SNCAIP: variants seen among roughly 807,000 people sequenced by gnomAD.
The protein encoded by SNCAIP is synuclein alpha interacting protein.
Under a neutral mutation model 86.7 loss-of-function variants are expected in SNCAIP, and 43 were observed. That is an observed-to-expected ratio of 0.50 (90% CI 0.39 to 0.64). SNCAIP has a LOEUF of 0.64. Among genes scored for constraint, SNCAIP ranks in the 30% least tolerant of loss-of-function variants. SNCAIP has a pLI of 0.00. For synonymous variants in SNCAIP, 417 were observed against 427.2 expected (o/e 0.98, Z 0.29); for missense variants, 981 against 1,103.1 (o/e 0.89, Z 1.57).
intron 3 of SNCAIP, among the ~76,000 whole-genome samples, chr5:122,419,251 G>A (rs922156279): frequency 6.6e-6 from 1 of 152,124 alleles, no homozygotes; most frequent in Non-Finnish European, 1.5e-5. Context: ...TGAGGCATTT[G>A]GATCAGACCA....
At chr5:122,379,380 C>T (rs1210232272) in intron 1 of SNCAIP, among the ~76,000 whole-genome samples, 1 of 70,918 alleles carries the variant, frequency 1.4e-5, no homozygotes, top group African/African-American at 5.9e-5. Context: ...GATTTTTGTA[C>T]ATTGATTTTG....
chr5:122,420,226 G>A (rs948641613), intron 3 of SNCAIP, among the ~76,000 whole-genome samples: 7 of 152,254 alleles, frequency 4.6e-5, no homozygotes, highest in East Asian at 1.9e-4. Context: ...ACGTGTTTTC[G>A]TAAGACCCAG....
chr5:122,453,725 T>G lies in SNCAIP; in HGVS notation c.2754+2124T>G, dbSNP rs117224940. Among the ~76,000 whole-genome samples the G allele has an allele frequency of 1.8e-3, 275 of 151,990 alleles. 5 individuals carry two copies. In the East Asian group the frequency reaches 0.037, roughly 20 times the overall value. On this transcript the variant is annotated intron_variant, in intron 10 of 10. Transcript: ENST00000261368. ...CCTTAATTGGTTTACTTCAGAAGAGTTACATCCCTAAACCCATTTTAAAAG... is the reference window on the plus strand; with the variant it reads ...CCTTAATTGGTTTACTTCAGAAGAGGTACATCCCTAAACCCATTTTAAAAG...
chr5:122,378,690 T>G (rs927845065), intron 1 of SNCAIP, among the ~76,000 whole-genome samples: 8 of 128,338 alleles, frequency 6.2e-5, no homozygotes, highest in African/African-American at 2.4e-4. Context: ...CGTTTAAGTC[T>G]TTAATCCATC....
intron 1 of SNCAIP, among the ~76,000 whole-genome samples, chr5:122,330,472 A>G (rs891791911): frequency 2.6e-5 from 4 of 152,068 alleles, no homozygotes; most frequent in African/African-American, 9.7e-5. Context: ...TTGTATTTCA[A>G]CTTATATTTT....
chr5:122,391,064 TC>T, intron 1 of SNCAIP, 24 bp from the exon 2 acceptor site: 3 of 1,360,998 alleles, frequency 2.2e-6, no homozygotes, highest in Non-Finnish European at 3.2e-6. Flanking sequence ...TTTTTGCCTT[TC>T]TTTTCTGCTT....
intron 2 of SNCAIP, among the ~76,000 whole-genome samples, chr5:122,400,559 A>G (rs1440937613): frequency 6.6e-6 from 1 of 152,262 alleles, no homozygotes; most frequent in Non-Finnish European, 1.5e-5. Flanking sequence ...ACCACAGCAC[A>G]TGACAATGCA....
chr5:122,396,207 T>G (rs1411120730), intron 2 of SNCAIP, among the ~76,000 whole-genome samples: 1 of 152,184 alleles, frequency 6.6e-6, no homozygotes, highest in Admixed American at 6.5e-5. Context: ...TCATATGCCA[T>G]ATGTGTTATC....
intron 1 of SNCAIP, among the ~76,000 whole-genome samples, chr5:122,342,264 G>T (rs1757746601): frequency 6.6e-6 from 1 of 152,056 alleles, no homozygotes; most frequent in Non-Finnish European, 1.5e-5. Context: ...GAAACTGGAG[G>T]ACTGAGCTGA....
upstream of SNCAIP, chr5:122,312,121 G>A (rs986914711): frequency 5.4e-5 from 8 of 148,602 alleles, no homozygotes; most frequent in African/African-American, 1.9e-4. Context: ...GGCCCGGGGA[G>A]CGGCGCCCGC....
chr5:122,456,329 G>A (rs1784753477), intron 10 of SNCAIP, among the ~76,000 whole-genome samples: 1 of 152,110 alleles, frequency 6.6e-6, no homozygotes. Flanking sequence ...TTGTTCAGCA[G>A]CCACTTCAAA....
chr5:122,346,640 T>A (rs1758669176), intron 1 of SNCAIP, among the ~76,000 whole-genome samples: 1 of 152,054 alleles, frequency 6.6e-6, no homozygotes, highest in Non-Finnish European at 1.5e-5. Context: ...CTAATAGAAT[T>A]TTAGAGCTGT....
At chr5:122,320,782 C>T (rs966686694) in intron 1 of SNCAIP, among the ~76,000 whole-genome samples, 1 of 152,168 alleles carries the variant, frequency 6.6e-6, no homozygotes, top group Admixed American at 6.5e-5. Flanking sequence ...GGGGTAACTG[C>T]TTGGTCTGGT....
At chr5:122,400,486 A>C (rs1383321677) in intron 2 of SNCAIP, among the ~76,000 whole-genome samples, 6 of 152,216 alleles carry the variant, frequency 3.9e-5, no homozygotes, top group Non-Finnish European at 2.9e-5. Flanking sequence ...GCACATATAC[A>C]AGTCAAAAAT....
At chr5:122,322,490 C>T (rs1349989926) in intron 1 of SNCAIP, among the ~76,000 whole-genome samples, 1 of 152,174 alleles carries the variant, frequency 6.6e-6, no homozygotes, top group African/African-American at 2.4e-5. Flanking sequence ...TTAAAGAGTA[C>T]ATTGGACTGG....
intron 3 of SNCAIP, among the ~76,000 whole-genome samples, chr5:122,415,733 G>A (rs1581110354): frequency 6.6e-6 from 1 of 152,326 alleles, no homozygotes; most frequent in Middle Eastern, 3.4e-3. Context: ...TGCACGGCCA[G>A]AAGCCATACT....
chr5:122,377,967 CTT>C (rs1181420483), intron 1 of SNCAIP, among the ~76,000 whole-genome samples: 3 of 151,732 alleles, frequency 2.0e-5, no homozygotes, highest in Admixed American at 1.3e-4. Context: ...GGTTCCAAGT[CTT>C]TGCTATTGTG....
At chr5:122,380,001 C>T (rs1766330630) in intron 1 of SNCAIP, among the ~76,000 whole-genome samples, 1 of 151,700 alleles carries the variant, frequency 6.6e-6, no homozygotes, top group Non-Finnish European at 1.5e-5. Context: ...CTAAAATTCT[C>T]TTTTTTGGTT....
intron 1 of SNCAIP, among the ~76,000 whole-genome samples, chr5:122,375,978 G>T (rs1050756574): frequency 1.3e-5 from 2 of 152,112 alleles, no homozygotes; most frequent in Non-Finnish European, 2.9e-5. Context: ...CTTAGGTAGT[G>T]GTTCTAAAAT....
Sources: allele counts gnomAD v4.1 joint callset (sites outside exome capture counted in the v4.1 genomes callset), GRCh38; gene constraint gnomAD v4.1.1; transcripts MANE v1.5; gene names NCBI Gene and HGNC (gene_info 2026-07-23, HGNC 2026-07-21).